The following AUTS2 variants were observed in gnomAD, a reference collection of about 807,000 sequenced individuals.
AUTS2 encodes the protein autism susceptibility gene 2 protein.
AUTS2 carries 17 observed loss-of-function variants against 112.4 expected under a neutral mutation model. The observed-to-expected ratio is 0.15, with a 90% CI of 0.10 to 0.23. AUTS2 has a LOEUF of 0.23. Among genes scored for constraint, AUTS2 ranks in the 10% least tolerant of loss-of-function variants. The probability of loss-of-function intolerance (pLI) is 1.00; values close to 1 mark genes in which losing one functional copy is unlikely to be tolerated. For missense variants in AUTS2, 1,510 were observed against 1,701.6 expected (o/e 0.89, Z 1.98); for synonymous variants, 751 against 702.7 (o/e 1.07, Z -1.09).
chr7:70,098,659 T>A (rs944052949), intron 2 of AUTS2, among the ~76,000 whole-genome samples: 3 of 152,080 alleles, frequency 2.0e-5, no homozygotes, highest in Non-Finnish European at 4.4e-5. Context: ...TGTCTTTTTA[T>A]TTTTCCTTGA....
chr7:70,724,904 T>G (rs142224157), intron 6 of AUTS2, among the ~76,000 whole-genome samples: 67 of 152,302 alleles, frequency 4.4e-4, no homozygotes, highest in Non-Finnish European at 9.0e-4. Context: ...TACTGGTTTT[T>G]TGGGGAGGGA....
At chr7:69,839,826 G>A (rs912159873) in intron 1 of AUTS2, among the ~76,000 whole-genome samples, 42 of 152,064 alleles carry the variant, frequency 2.8e-4, no homozygotes, top group African/African-American at 9.4e-4. Context: ...TGTAGGTAAA[G>A]GAAATATGGC....
At chr7:70,533,318 T>C (rs983810247) in intron 5 of AUTS2, among the ~76,000 whole-genome samples, 6 of 152,134 alleles carry the variant, frequency 3.9e-5, no homozygotes, top group Non-Finnish European at 5.9e-5. Context: ...CTCGCTTTGC[T>C]GCCCAGGCTG....
intron 5 of AUTS2, among the ~76,000 whole-genome samples, chr7:70,609,001 G>A (rs1416347433): frequency 6.6e-6 from 1 of 152,126 alleles, no homozygotes; most frequent in Non-Finnish European, 1.5e-5. Flanking sequence ...ACAACATGAT[G>A]TTCTAAAATG....
intron 2 of AUTS2, among the ~76,000 whole-genome samples, chr7:70,036,539 C>T (rs1370580855): frequency 6.6e-6 from 1 of 152,212 alleles, no homozygotes; most frequent in Non-Finnish European, 1.5e-5. Flanking sequence ...CTTGTTTCTC[C>T]TCTCTCTGCC....
At chr7:70,219,340 A>G (rs920537256) in intron 4 of AUTS2, among the ~76,000 whole-genome samples, 6 of 152,216 alleles carry the variant, frequency 3.9e-5, no homozygotes, top group African/African-American at 1.4e-4. Flanking sequence ...TAGCCAGAAC[A>G]ACATGTTGTA....
At chr7:70,746,081 T>TTGAAAGA (rs1300558461) in intron 6 of AUTS2, among the ~76,000 whole-genome samples, 2 of 152,224 alleles carry the variant, frequency 1.3e-5, no homozygotes, top group Non-Finnish European at 1.5e-5. Context: ...AAGGCAAAGA[T>TTGAAAGA]TGAAAGAAAT....
intron 4 of AUTS2, among the ~76,000 whole-genome samples, chr7:70,135,389 T>C (rs1806500417): frequency 6.6e-6 from 1 of 152,202 alleles, no homozygotes; most frequent in Non-Finnish European, 1.5e-5. Context: ...ATCTGATTGG[T>C]GTTCTGAGTG....
chr7:69,725,140 C>T (rs1207310201), intron 1 of AUTS2, among the ~76,000 whole-genome samples: 1 of 152,060 alleles, frequency 6.6e-6, no homozygotes, highest in Non-Finnish European at 1.5e-5. Flanking sequence ...TGGTTTTGTT[C>T]TCTATTATAG....
chr7:70,577,262 G>T (rs1253999441), intron 5 of AUTS2, among the ~76,000 whole-genome samples: 2 of 152,120 alleles, frequency 1.3e-5, no homozygotes, highest in African/African-American at 4.8e-5. Context: ...CATCACCGTG[G>T]CTGCTGGAAG....
At chr7:70,386,420 T>C (rs1793609129) in intron 4 of AUTS2, among the ~76,000 whole-genome samples, 1 of 152,222 alleles carries the variant, frequency 6.6e-6, no homozygotes, top group Non-Finnish European at 1.5e-5. Flanking sequence ...AATTTATTGA[T>C]TTTTGGTATA....
At chr7:69,713,977 A>G (rs529472921) in intron 1 of AUTS2, among the ~76,000 whole-genome samples, 19 of 152,264 alleles carry the variant, frequency 1.2e-4, no homozygotes, top group Admixed American at 2.6e-4. Flanking sequence ...ATTTAGGGTT[A>G]CAAAGTTTCT....
At chr7:70,748,907 T>C (rs1419382931) in intron 6 of AUTS2, among the ~76,000 whole-genome samples, 1 of 152,228 alleles carries the variant, frequency 6.6e-6, no homozygotes, top group Non-Finnish European at 1.5e-5. Flanking sequence ...TTCCAATCAA[T>C]CTGCTTCCTC....
chr7:70,511,210 A>G (rs1278120249), intron 5 of AUTS2, among the ~76,000 whole-genome samples: 2 of 152,142 alleles, frequency 1.3e-5, no homozygotes, highest in Non-Finnish European at 2.9e-5. Context: ...ATTTAAGAGT[A>G]TAAAGGGGTC....
chr7:70,609,959 T>TCTGTTG (rs1554441433), intron 5 of AUTS2, among the ~76,000 whole-genome samples: 1 of 122,872 alleles, frequency 8.1e-6, no homozygotes, highest in African/African-American at 3.0e-5. Flanking sequence ...AGTTCTGTTT[T>TCTGTTG]TTGTTGTTGT....
chr7:70,511,985 T>C (rs1415890112), intron 5 of AUTS2, among the ~76,000 whole-genome samples: 1 of 152,202 alleles, frequency 6.6e-6, no homozygotes, highest in Non-Finnish European at 1.5e-5. Context: ...TTCATGAGCT[T>C]ATAAATGACA....
intron 1 of AUTS2, among the ~76,000 whole-genome samples, chr7:69,699,504 C>G (rs957742177): frequency 6.6e-6 from 1 of 152,138 alleles, no homozygotes; most frequent in Non-Finnish European, 1.5e-5. Context: ...CATCTCACTA[C>G]AGAGAGAGCT....
intron 2 of AUTS2, among the ~76,000 whole-genome samples, chr7:70,049,250 T>C (rs962750576): frequency 6.6e-6 from 1 of 152,216 alleles, no homozygotes; most frequent in Non-Finnish European, 1.5e-5. Context: ...AGTAGTGTTG[T>C]CATATTCATT....
intron 4 of AUTS2, among the ~76,000 whole-genome samples, chr7:70,259,296 C>T (rs902940159): frequency 2.0e-5 from 3 of 151,578 alleles, no homozygotes; most frequent in Non-Finnish European, 4.4e-5. Flanking sequence ...AAATCTAGAG[C>T]TTGGCTTTTT....
Sources: gnomAD v4.1 joint callset for allele counts (sites outside exome capture counted in the v4.1 genomes callset) on GRCh38, gnomAD v4.1.1 for gene constraint, MANE v1.5 for transcripts, NCBI Gene and HGNC (gene_info 2026-07-23, HGNC 2026-07-21) for gene names.